DMD: variants seen among roughly 807,000 people sequenced by gnomAD.
DMD encodes dystrophin.
In DMD, 63 loss-of-function variants were observed where a neutral mutation model predicts 330.1. That is an observed-to-expected ratio of 0.19 (90% CI 0.16 to 0.24). DMD has a LOEUF of 0.24. Ranked by LOEUF, DMD falls within the 10% of genes least tolerant of loss-of-function variation. The pLI, the probability that DMD is intolerant of heterozygous loss-of-function variation, is 1.00. For missense variants in DMD, 3,344 were observed against 2,684.1 expected, an observed-to-expected ratio of 1.25 and a Z score of -5.43; for synonymous variants, 1,223 against 959.8, an observed-to-expected ratio of 1.27 and a Z score of -5.07.
intron 1 of DMD, among the ~76,000 whole-genome samples, chrX:33,052,605 G>A (rs375132282): frequency 8.9e-6 from 1 of 111,919 alleles, no homozygotes; most frequent in African/African-American, 3.2e-5. Context: ...AGATTGCTAA[G>A]TTAGAAACAA....
rs766556185 is a variant in DMD at position 31,973,236 on chromosome X, T to C, written c.6439-4722A>G. On this transcript the variant is annotated intron_variant, in intron 44 of 78. Coordinates refer to ENST00000357033, the MANE Select transcript of DMD (RefSeq NM_004006.3). The stretch of plus-strand genomic sequence containing the variant: ...GAGGATAGTCAGAACAATTGAAAGA[T>C]GGCTAAAATTGGGGAAATCTAGCAG... 8.4e-5 allele frequency among the ~76,000 whole-genome samples: 9 copies of C among 107,027 alleles called. No homozygotes were observed. The East Asian group carries it at 1.8e-3, about 21-fold the overall frequency. The allele number at this position is 107,027 out of a possible 115,157, so 92.9% of individuals were successfully genotyped here.
chrX:31,893,940 G>A (rs1210403821), intron 47 of DMD, among the ~76,000 whole-genome samples: 3 of 111,364 alleles, frequency 2.7e-5, no homozygotes. Flanking sequence ...TTTTGTCTCT[G>A]GCAGGGAATG....
intron 9 of DMD, among the ~76,000 whole-genome samples, chrX:32,692,454 T>C (rs2063346902): frequency 9.0e-6 from 1 of 111,703 alleles, no homozygotes; most frequent in Admixed American, 9.5e-5. Context: ...AATTACTTTC[T>C]ACAATATGTG....
At chrX:31,373,751 T>C (rs910220209) in intron 60 of DMD, among the ~76,000 whole-genome samples, 24 of 110,948 alleles carry the variant, frequency 2.2e-4, no homozygotes, top group Non-Finnish European at 5.7e-5. Flanking sequence ...ATTCAGGACA[T>C]AGGCATGGGC....
chrX:32,543,301 T>A (rs1414075341), intron 17 of DMD, among the ~76,000 whole-genome samples: 5 of 110,992 alleles, frequency 4.5e-5, no homozygotes, highest in African/African-American at 1.6e-4. Flanking sequence ...AGCCACTCTT[T>A]CCTGAAAACA....
At chrX:33,095,840 A>C (rs1456089181) in intron 1 of DMD, among the ~76,000 whole-genome samples, 2 of 111,362 alleles carry the variant, frequency 1.8e-5, no homozygotes, top group Non-Finnish European at 3.8e-5. Context: ...ACATATTTAC[A>C]TGATATCCAA....
intron 7 of DMD, among the ~76,000 whole-genome samples, chrX:32,800,822 A>G (rs1194717090): frequency 6.3e-5 from 7 of 110,792 alleles, no homozygotes; most frequent in African/African-American, 3.3e-5. Context: ...TTCCTATGTT[A>G]GTTTGCTGAG....
chrX:31,630,998 T>G (rs2079107114), intron 54 of DMD, among the ~76,000 whole-genome samples: 2 of 111,618 alleles, frequency 1.8e-5, no homozygotes, highest in Admixed American at 9.6e-5. Context: ...ATAAGAGCAC[T>G]GTGTACCATT....
intron 37 of DMD, among the ~76,000 whole-genome samples, chrX:32,352,132 A>T (rs916364379): frequency 1.8e-5 from 2 of 110,805 alleles, no homozygotes; most frequent in Non-Finnish European, 3.8e-5. Context: ...GAGGACTGCA[A>T]TTTTTTTAAA....
chrX:32,205,008 CAT>C (rs780401627), intron 44 of DMD, among the ~76,000 whole-genome samples: 2,985 of 56,927 alleles, frequency 0.052, 162 homozygotes, highest in African/African-American at 0.21. Flanking sequence ...CTCTCTCTCA[CAT>C]ACACACACAC....
intron 20 of DMD, among the ~76,000 whole-genome samples, chrX:32,490,224 C>G (rs1378815163): frequency 1.8e-5 from 2 of 111,824 alleles, no homozygotes; most frequent in African/African-American, 3.3e-5. Context: ...ATGTAATCAT[C>G]TCGATCTATC....
At chrX:31,868,408 C>G (rs1163449873) in intron 48 of DMD, among the ~76,000 whole-genome samples, 2 of 111,743 alleles carry the variant, frequency 1.8e-5, no homozygotes, top group Non-Finnish European at 3.8e-5. Flanking sequence ...CTGTAAAATT[C>G]AGAAATTCTT....
At chrX:32,783,270 G>GGT (rs1364435332) in intron 7 of DMD, among the ~76,000 whole-genome samples, 1 of 86,124 alleles carries the variant, frequency 1.2e-5, no homozygotes, top group Non-Finnish European at 2.4e-5. Context: ...ACACATATAT[G>GGT]GTATATATAC....
At chrX:32,427,228 T>C (rs1452675783) in intron 29 of DMD, among the ~76,000 whole-genome samples, 1 of 111,553 alleles carries the variant, frequency 9.0e-6, no homozygotes, top group Non-Finnish European at 1.9e-5. Context: ...AGGAATGAGA[T>C]GGCATTAACA....
At chrX:32,955,607 TTGTC>T (rs1351544980) in intron 2 of DMD, among the ~76,000 whole-genome samples, 9 of 112,083 alleles carry the variant, frequency 8.0e-5, no homozygotes, top group African/African-American at 2.9e-4. Context: ...CATGAAACCT[TTGTC>T]TGTTCCTATG....
chrX:31,895,282 T>A (rs763589196), intron 47 of DMD, among the ~76,000 whole-genome samples: 1 of 111,805 alleles, frequency 8.9e-6, no homozygotes, highest in Non-Finnish European at 1.9e-5. Flanking sequence ...AAAGCTATTC[T>A]GCGCAGCCCA....
chrX:32,742,236 A>G (rs752249818), intron 7 of DMD, among the ~76,000 whole-genome samples: 40 of 112,077 alleles, frequency 3.6e-4, no homozygotes, highest in Middle Eastern at 4.6e-3. Flanking sequence ...CAATCCAACT[A>G]ATATGTCTTT....
intron 1 of DMD, among the ~76,000 whole-genome samples, chrX:33,318,494 G>T (rs1603430263): frequency 1.9e-5 from 2 of 106,387 alleles, no homozygotes; most frequent in Non-Finnish European, 1.9e-5. Context: ...GTCACCCAGG[G>T]TGAAGTGCAG....
intron 4 of DMD, among the ~76,000 whole-genome samples, chrX:32,824,763 C>T (rs371968148): frequency 8.9e-6 from 1 of 112,069 alleles, no homozygotes; most frequent in East Asian, 2.8e-4. Flanking sequence ...CACACATACA[C>T]ATAAATATGA....
Sources: allele counts gnomAD v4.1 joint callset (sites outside exome capture counted in the v4.1 genomes callset), GRCh38; gene constraint gnomAD v4.1.1; transcripts MANE v1.5; gene names NCBI Gene and HGNC (gene_info 2026-07-23, HGNC 2026-07-21).